The following TERF1 variants were observed in gnomAD, a reference collection of about 807,000 sequenced individuals.
TERF1 encodes telomeric repeat binding factor 1.
TERF1 carries 20 observed loss-of-function variants against 55.1 expected under a neutral mutation model. The ratio of observed to expected loss-of-function variants is 0.36; its 90% CI spans 0.26 to 0.53. The LOEUF is 0.53. Among genes scored for constraint, TERF1 ranks in the 20% least tolerant of loss-of-function variants. TERF1 has a pLI of 0.91. For synonymous variants in TERF1, 168 were observed against 181.2 expected, an observed-to-expected ratio of 0.93 and a Z score of 0.59; for missense variants, 439 against 535.7, an observed-to-expected ratio of 0.82 and a Z score of 1.78.
intron 2 of TERF1, among the ~76,000 whole-genome samples, chr8:73,016,246 T>C (rs1227605582): frequency 1.3e-5 from 2 of 152,178 alleles, no homozygotes. Flanking sequence ...TAATCATGTA[T>C]GGCTAGTAGC....
intron 2 of TERF1, among the ~76,000 whole-genome samples, chr8:73,020,164 G>A (rs1808689626): frequency 6.6e-6 from 1 of 152,116 alleles, no homozygotes; most frequent in Non-Finnish European, 1.5e-5. Flanking sequence ...TGTCCGAATG[G>A]GTTGTTGCTG....
chr8:73,033,549 A>T (rs1393038887), intron 8 of TERF1, among the ~76,000 whole-genome samples: 2 of 152,178 alleles, frequency 1.3e-5, no homozygotes, highest in Non-Finnish European at 2.9e-5. Flanking sequence ...CCTTGGCAAC[A>T]TGGCGAAACC....
intron 8 of TERF1, among the ~76,000 whole-genome samples, chr8:73,037,057 TATA>T (rs1170258622): frequency 1.5e-5 from 2 of 137,264 alleles, no homozygotes; most frequent in African/African-American, 2.7e-5. Context: ...AATATATAAT[TATA>T]ATATATATAA....
intron 9 of TERF1, among the ~76,000 whole-genome samples, chr8:73,044,301 C>CGTA (rs1809947963): frequency 6.6e-6 from 1 of 152,120 alleles, no homozygotes; most frequent in Non-Finnish European, 1.5e-5. Flanking sequence ...ACAGAAGAGA[C>CGTA]CAGGTTCGTA....
intron 2 of TERF1, among the ~76,000 whole-genome samples, chr8:73,017,579 C>T (rs55807226): frequency 0.021 from 3,240 of 152,202 alleles, 97 homozygotes; most frequent in African/African-American, 0.074. Flanking sequence ...ATTTGGATGA[C>T]TTCTGTTTCA....
At position 73,022,122 on chromosome 8, in the gene TERF1, A is replaced by G; in HGVS notation, c.538-94A>G. 7 of 686,686 alleles carry G rather than the reference A, an allele frequency of 1.0e-5. No homozygotes were observed. In the South Asian group the frequency reaches 1.4e-4, roughly 13 times the overall value. The allele number at this position is 686,686 out of a possible 1,614,324, so 42.5% of individuals were successfully genotyped here. ...TAAGCTACATAAAAATGTTCTCAAC[A>G]GAGGATTTCAGACTTACCTGAGTTA... On this transcript the variant is annotated intron_variant, in intron 3 of 9. Transcript: ENST00000276603.
intron 8 of TERF1, among the ~76,000 whole-genome samples, chr8:73,034,903 C>G (rs1420372948): frequency 6.6e-6 from 1 of 152,062 alleles, no homozygotes; most frequent in Admixed American, 6.6e-5. Context: ...ATCAGACAGT[C>G]TGACTCCAGA....
intron 9 of TERF1, among the ~76,000 whole-genome samples, chr8:73,042,473 AACTT>A (rs753304517): frequency 6.6e-6 from 1 of 152,104 alleles, no homozygotes. Flanking sequence ...TAAAAAAAAA[AACTT>A]ACGGCAATAG....
rs1810056368 is a variant in TERF1 at position 73,046,819 on chromosome 8, A to G, written c.*682A>G. 1 of 152,204 alleles carries G rather than the reference A, an allele frequency of 6.6e-6. No individual in the cohort carries two copies. Among genetic ancestry groups the G allele is most frequent in the Non-Finnish European group, 1.5e-5 (1 of 68,034 alleles). The allele number at this position is 152,204 out of a possible 1,614,324, so 9.4% of individuals were successfully genotyped here. Reference sequence around the variant, plus strand: ...TAAAATGAATTTTCTAGATGATTGAATAACAGTAGTCCTTTGATAGAAGAT... The same window carrying G: ...TAAAATGAATTTTCTAGATGATTGAGTAACAGTAGTCCTTTGATAGAAGAT... On this transcript the variant is annotated 3_prime_UTR_variant, in exon 10 of 10. Transcript: ENST00000276603.
intron 9 of TERF1, among the ~76,000 whole-genome samples, chr8:73,045,527 G>A (rs962499974): frequency 1.3e-5 from 2 of 152,130 alleles, no homozygotes; most frequent in Admixed American, 1.3e-4. Flanking sequence ...AGTTTTATAT[G>A]GGTGTGTAAT....
At chr8:73,023,795 A>C (rs951739490) in intron 4 of TERF1, among the ~76,000 whole-genome samples, 1 of 152,220 alleles carries the variant, frequency 6.6e-6, no homozygotes, top group African/African-American at 2.4e-5. Context: ...ATGTCTTAGA[A>C]TATCAACAGT....
In TERF1 at chr8:73,039,202, C is replaced by T. The variant is rs576511615; in HGVS notation, c.1126C>T (p.Arg376Ter). 5.0e-6 allele frequency: 8 copies of T among 1,601,906 alleles called. No individual in the cohort carries two copies. Among genetic ancestry groups the T allele is most frequent in the Non-Finnish European group, 6.8e-6 (8 of 1,174,354 alleles). The change falls in exon 9 of 10, where the codon CGA (arginine) becomes TGA (stop). Residue 376 changes from arginine to a stop codon, truncating the protein, a stop_gained. Coordinates refer to ENST00000276603, the MANE Select transcript of TERF1 (RefSeq NM_017489.3). LOFTEE classifies it high-confidence loss of function. ...KSQPVTPEKH[R>*]ARKRQAWLWE... ...TCAGCCGGTAACTCCTGAAAAACAT[C>T]GAGCTAGAAAAAGACAGGTATTTGG...
intron 2 of TERF1, 73 bp from the exon 3 acceptor site, chr8:73,020,611 G>A: frequency 1.5e-6 from 2 of 1,320,222 alleles, no homozygotes; most frequent in East Asian, 2.4e-5. Flanking sequence ...ATATTTAAAG[G>A]AATGCATTAT....
intron 8 of TERF1, among the ~76,000 whole-genome samples, chr8:73,037,644 A>T (rs1429800616): frequency 1.3e-5 from 1 of 79,558 alleles, no homozygotes; most frequent in Non-Finnish European, 2.2e-5. Context: ...AACATATATA[A>T]TATATATTAT....
chr8:73,026,120 A>G (rs1586045187), intron 5 of TERF1, among the ~76,000 whole-genome samples: 1 of 135,386 alleles, frequency 7.4e-6, no homozygotes, highest in East Asian at 2.2e-4. Flanking sequence ...GATTGCTTGA[A>G]CCCAGGAGGT....
chr8:73,011,943 A>G (rs116325327), intron 1 of TERF1: 12 of 152,174 alleles, frequency 7.9e-5, no homozygotes, highest in African/African-American at 2.9e-4. Context: ...TTTCCTTTGT[A>G]TTAACAACTT....
chr8:73,024,974 A>G lies in TERF1; in HGVS notation c.774+3A>G. On this transcript the variant is annotated splice_donor_region_variant and intron_variant, in intron 5 of 9. Coordinates refer to ENST00000276603, the MANE Select transcript of TERF1 (RefSeq NM_017489.3). ...AATCATCAACCTTTCTAATGAAGGT[A>G]TACATATTATTCAAGAGTGACTAAT... 1.3e-6 allele frequency: 2 copies of G among 1,527,644 alleles called. No homozygotes were observed. Among genetic ancestry groups the G allele is most frequent in the East Asian group, 2.3e-5 (1 of 43,926 alleles). 94.6% of individuals were successfully genotyped at this position (1,527,644 alleles called of 1,614,324 possible). A position where few individuals can be genotyped will look rare whatever the true frequency, so the allele number is the denominator to read the frequency against.
chr8:73,020,656 T>C (rs771986839), intron 2 of TERF1, 28 bp from the exon 3 acceptor site: 6 of 1,566,452 alleles, frequency 3.8e-6, no homozygotes, highest in Non-Finnish European at 5.2e-6. Context: ...GCTTTCTGAG[T>C]TACTTATTTT....
At chr8:73,023,373 A>C (rs1422669505) in intron 4 of TERF1, among the ~76,000 whole-genome samples, 1 of 152,192 alleles carries the variant, frequency 6.6e-6, no homozygotes, top group African/African-American at 2.4e-5. Context: ...CTGATGAATA[A>C]TCAGATTGAG....
Sources: allele counts gnomAD v4.1 joint callset (sites outside exome capture counted in the v4.1 genomes callset), GRCh38; gene constraint gnomAD v4.1.1; transcripts MANE v1.5; gene names NCBI Gene and HGNC (gene_info 2026-07-23, HGNC 2026-07-21).